Variants in TEX11 observed in about 807,000 individuals in gnomAD.
TEX11 encodes testis expressed 11.
A neutral mutation model predicts 84.4 loss-of-function variants in TEX11; 7 were observed. The ratio of observed to expected loss-of-function variants is 0.08; its 90% confidence interval spans 0.05 to 0.16. TEX11 has a LOEUF of 0.16. Ranked by LOEUF, TEX11 falls within the 10% of genes least tolerant of loss-of-function variation. TEX11 has a pLI of 1.00. For missense variants in TEX11, 551 were observed against 660.5 expected (o/e 0.83, Z 1.82); for synonymous variants, 264 against 222.8 (o/e 1.18, Z -1.64).
chrX:70,737,153 T>C (rs115392690), intron 11 of TEX11, among the ~76,000 whole-genome samples: 8,380 of 110,820 alleles, frequency 0.076, 283 homozygotes, highest in African/African-American at 0.13. Flanking sequence ...ACTTGGAAGA[T>C]ATAAAAATAA....
intron 28 of TEX11, among the ~76,000 whole-genome samples, chrX:70,530,872 G>A (rs1057190393): frequency 8.9e-6 from 1 of 111,984 alleles, no homozygotes; most frequent in Non-Finnish European, 1.9e-5. Context: ...GCATCCACAT[G>A]TAAAGACGAC....
intron 9 of TEX11, among the ~76,000 whole-genome samples, chrX:70,770,366 C>T (rs1016002800): frequency 9.0e-6 from 1 of 111,692 alleles, no homozygotes; most frequent in Non-Finnish European, 1.9e-5. Context: ...AACATATCCC[C>T]TATTTAAATA....
intron 28 of TEX11, among the ~76,000 whole-genome samples, chrX:70,533,875 C>T (rs1226152064): frequency 2.7e-5 from 3 of 109,939 alleles, no homozygotes; most frequent in East Asian, 5.7e-4. Flanking sequence ...GGGCGGATCA[C>T]GAGGTCAAGA....
At chrX:70,779,308 G>A (rs1034976287) in intron 9 of TEX11, among the ~76,000 whole-genome samples, 1 of 105,956 alleles carries the variant, frequency 9.4e-6, no homozygotes, top group Non-Finnish European at 1.9e-5. Context: ...CCAGCTACTC[G>A]GGAGGCTGAG....
intron 7 of TEX11, among the ~76,000 whole-genome samples, chrX:70,834,825 T>C (rs1472930892): frequency 5.6e-5 from 6 of 108,000 alleles, no homozygotes; most frequent in African/African-American, 2.0e-4. Flanking sequence ...TACAAGGAAA[T>C]AATAAAGTAC....
chrX:70,563,132 C>A (rs767048564), intron 25 of TEX11, among the ~76,000 whole-genome samples: 8 of 111,942 alleles, frequency 7.1e-5, no homozygotes, highest in African/African-American at 2.6e-4. Context: ...ATTCTGAGTT[C>A]TTCGGATAGG....
rs774376166 is a variant in TEX11, at chrX:70,638,318, C to A, written c.1484-8583G>T. On this transcript the variant is annotated intron_variant, in intron 17 of 29. Transcript: ENST00000374333. The stretch of plus-strand genomic sequence containing the variant: ...CTCTTCACAGCAGAAATATAGGCCA[C>A]GAAAGAGTGGGAAGATATATTCAAA... 2.7e-5 allele frequency among the ~76,000 whole-genome samples: 3 copies of A among 110,976 alleles called. No individual in the cohort carries two copies. The Admixed American group carries it at 2.9e-4, about 11-fold the overall frequency.
intron 21 of TEX11, among the ~76,000 whole-genome samples, chrX:70,610,190 AGAAG>A (rs200527375): frequency 0.4 from 28,724 of 71,339 alleles, 6,640 homozygotes; most frequent in East Asian, 0.58. Context: ...AAGGAGAGAA[AGAAG>A]GAAGGAAGGA....
chrX:70,806,521 ATT>A (rs1324704236), intron 9 of TEX11, among the ~76,000 whole-genome samples, 182 bp downstream of exon 9: 2 of 111,003 alleles, frequency 1.8e-5, no homozygotes, highest in Admixed American at 9.6e-5. Context: ...GGAAGAACAC[ATT>A]TTTCTATGAA....
chrX:70,578,208 T>C (rs1255484373), intron 25 of TEX11, among the ~76,000 whole-genome samples: 1 of 112,347 alleles, frequency 8.9e-6, no homozygotes, highest in Non-Finnish European at 1.9e-5. Flanking sequence ...TTCTTTTTTC[T>C]TTTCTATTGA....
intron 24 of TEX11, among the ~76,000 whole-genome samples, chrX:70,593,656 C>T (rs907206390): frequency 1.3e-4 from 14 of 111,630 alleles, no homozygotes; most frequent in Non-Finnish European, 1.1e-4. Flanking sequence ...TAAAAATGTT[C>T]ATCAAAAATG....
At chrX:70,851,666 T>TACAC (rs55903537) in intron 7 of TEX11, among the ~76,000 whole-genome samples, 29,054 of 91,629 alleles carry the variant, frequency 0.32, 3,629 homozygotes, top group Middle Eastern at 0.39. Flanking sequence ...ATTAAAAACA[T>TACAC]ACACACACAC....
intron 25 of TEX11, among the ~76,000 whole-genome samples, chrX:70,581,138 A>C (rs924908539): frequency 9.2e-6 from 1 of 109,102 alleles, no homozygotes; most frequent in South Asian, 4.0e-4. Context: ...AGTAGCTGGG[A>C]GTATAAGCAT....
intron 11 of TEX11, among the ~76,000 whole-genome samples, chrX:70,733,343 A>G (rs1346665333): frequency 1.8e-5 from 2 of 111,566 alleles, no homozygotes; most frequent in Non-Finnish European, 3.8e-5. Flanking sequence ...AGCAAAAGAA[A>G]CTATCATGAG....
At chrX:70,844,726 C>T (rs1005714662) in intron 7 of TEX11, among the ~76,000 whole-genome samples, 3 of 111,313 alleles carry the variant, frequency 2.7e-5, no homozygotes, top group East Asian at 2.8e-4. Flanking sequence ...TCGAGACCGG[C>T]CTGGCCAACA....
rs749325597 is a variant in TEX11, at chrX:70,655,481, C to T, written c.1381-3929G>A. ...AAGTTGTAGATGCCTGCCATTTTGC[C>T]AGCATTAACTGCATTTTCACCTTAC... is the stretch of plus-strand genomic sequence containing the variant. On this transcript the variant is annotated intron_variant, in intron 16 of 29. Transcript: ENST00000374333. Among the ~76,000 whole-genome samples the T allele has an allele frequency of 4.5e-5, 5 of 111,755 alleles. No homozygotes were observed. In the South Asian group the frequency reaches 1.9e-3, roughly 42 times the overall value.
chrX:70,684,995 C>A (rs924760566), intron 13 of TEX11, among the ~76,000 whole-genome samples: 28 of 111,614 alleles, frequency 2.5e-4, no homozygotes, highest in African/African-American at 9.1e-4. Flanking sequence ...AAAAAAACCC[C>A]AAAAAACCAA....
intron 26 of TEX11, among the ~76,000 whole-genome samples, chrX:70,554,262 G>A (rs970803620): frequency 1.8e-5 from 2 of 111,842 alleles, no homozygotes; most frequent in African/African-American, 6.5e-5. Context: ...ACTTTTGATT[G>A]TTGAAGCACT....
rs140101668 is a variant in TEX11, at chrX:70,689,362, C to T, written c.1005-6537G>A. On this transcript the variant is annotated intron_variant, in intron 13 of 29. Transcript: ENST00000374333. ...CTAATAAGGCCTAGAAGAAATGACA[C>T]CCCAGTAGCAACAAGCACAACTAAC... Among the ~76,000 whole-genome samples, 162 of 111,314 alleles carry T rather than the reference C, an allele frequency of 1.5e-3. No homozygotes were observed. In the East Asian group the frequency reaches 0.023, roughly 16 times the overall value.
Sources: gnomAD v4.1 joint callset for allele counts (sites outside exome capture counted in the v4.1 genomes callset) on GRCh38, gnomAD v4.1.1 for gene constraint, MANE v1.5 for transcripts, NCBI Gene and HGNC (gene_info 2026-07-23, HGNC 2026-07-21) for gene names.